TACR1: variants seen among roughly 807,000 people sequenced by gnomAD.
TACR1 encodes tachykinin receptor 1.
TACR1 carries 25 observed loss-of-function variants against 35.8 expected under a neutral mutation model. The observed-to-expected ratio is 0.70, with a 90% CI of 0.51 to 0.98. The LOEUF (loss-of-function observed/expected upper bound fraction) is 0.98. TACR1 is among the 50% of genes least tolerant of loss of function. The pLI is 0.00. For missense variants in TACR1, 478 were observed against 522.9 expected, an observed-to-expected ratio of 0.91 and a Z score of 0.84; for synonymous variants, 195 against 206.7, an observed-to-expected ratio of 0.94 and a Z score of 0.48.
intron 1 of TACR1, among the ~76,000 whole-genome samples, chr2:75,139,638 C>T (rs555370975): frequency 6.6e-6 from 1 of 152,332 alleles, no homozygotes; most frequent in South Asian, 2.1e-4. Context: ...TAGAATATGT[C>T]AGAGCTTTAT....
chr2:75,110,223 TTA>T (rs1288474809), intron 2 of TACR1, among the ~76,000 whole-genome samples: 1 of 152,070 alleles, frequency 6.6e-6, no homozygotes, highest in Non-Finnish European at 1.5e-5. Context: ...TCTTAAGAAT[TTA>T]GAGAGAAAAT....
At chr2:75,107,549 A>G (rs764828383) in intron 2 of TACR1, among the ~76,000 whole-genome samples, 3 of 151,882 alleles carry the variant, frequency 2.0e-5, no homozygotes, top group Non-Finnish European at 4.4e-5. Flanking sequence ...AGGAAAGAAG[A>G]AAGGAAGGAA....
At chr2:75,183,646 C>G (rs1675613995) in intron 1 of TACR1, among the ~76,000 whole-genome samples, 2 of 152,248 alleles carry the variant, frequency 1.3e-5, no homozygotes, top group African/African-American at 4.8e-5. Flanking sequence ...GTAGTCCCTC[C>G]CCTGCTCTGT....
intron 4 of TACR1, 88 bp downstream of exon 4, chr2:75,051,163 G>T: frequency 6.5e-6 from 10 of 1,546,836 alleles, no homozygotes; most frequent in Non-Finnish European, 8.9e-6. Context: ...CTCACAGCTG[G>T]GTTTACTCAT....
intron 1 of TACR1, among the ~76,000 whole-genome samples, chr2:75,140,636 T>C (rs1226038416): frequency 6.6e-6 from 1 of 152,170 alleles, no homozygotes; most frequent in Non-Finnish European, 1.5e-5. Flanking sequence ...TCTCTAATCT[T>C]CTCCATCATC....
chr2:75,152,443 A>AT (rs1674695302), intron 1 of TACR1, among the ~76,000 whole-genome samples: 1 of 151,972 alleles, frequency 6.6e-6, no homozygotes, highest in Admixed American at 6.6e-5. Context: ...CTTCTTCCTC[A>AT]TTTTCTTTTG....
At chr2:75,185,293 T>C (rs1247342521) in intron 1 of TACR1, among the ~76,000 whole-genome samples, 1 of 152,058 alleles carries the variant, frequency 6.6e-6, no homozygotes, top group East Asian at 1.9e-4. Context: ...AAATTATTTA[T>C]GCATATTTGC....
At chr2:75,198,422 G>A in intron 1 of TACR1, 124 bp downstream of exon 1, 3 of 1,155,598 alleles carry the variant, frequency 2.6e-6, no homozygotes, top group Non-Finnish European at 3.6e-6. Context: ...CAGTTGATCA[G>A]TAAAAAAACC....
At chr2:75,146,981 A>T (rs555494640) in intron 1 of TACR1, among the ~76,000 whole-genome samples, 5 of 152,364 alleles carry the variant, frequency 3.3e-5, no homozygotes, top group Admixed American at 6.5e-5. Context: ...ACAGAAACAC[A>T]ATCTGCTGTG....
At chr2:75,153,812 T>C (rs1674730036) in intron 1 of TACR1, among the ~76,000 whole-genome samples, 1 of 152,222 alleles carries the variant, frequency 6.6e-6, no homozygotes, top group African/African-American at 2.4e-5. Flanking sequence ...TGCAAGGATT[T>C]AATTCCTCAC....
chr2:75,088,939 C>A (rs997831604), intron 2 of TACR1, among the ~76,000 whole-genome samples: 3 of 152,138 alleles, frequency 2.0e-5, no homozygotes, highest in Non-Finnish European at 4.4e-5. Context: ...CCACATGCTG[C>A]CCCCACCCTC....
At chr2:75,099,824 T>C (rs1036878764) in intron 2 of TACR1, among the ~76,000 whole-genome samples, 5 of 152,192 alleles carry the variant, frequency 3.3e-5, no homozygotes, top group African/African-American at 1.2e-4. Flanking sequence ...CCCCAGGTGA[T>C]TAATCTGTCC....
chr2:75,187,140 C>A (rs555123793), intron 1 of TACR1: 1 of 152,378 alleles, frequency 6.6e-6, no homozygotes, highest in East Asian at 1.9e-4. Flanking sequence ...TTAACCCCAA[C>A]CCACTGGACT....
chr2:75,198,601 GAAA>G lies in TACR1; in HGVS notation c.331_333del (p.Phe111del). On this transcript the variant is annotated inframe_deletion, in exon 1 of 5. Coordinates refer to ENST00000305249, the MANE Select transcript of TACR1 (RefSeq NM_001058.4). ...ATACTGGCGAAGACAGCGGCGATGG[GAAA>G]GAAGTTGTGGAACTTGCAGTAGAAC... The G allele has an allele frequency of 6.2e-7, 1 of 1,614,196 alleles. No individual in the cohort carries two copies. Among genetic ancestry groups the G allele is most frequent in the Non-Finnish European group, 8.5e-7 (1 of 1,180,036 alleles).
chr2:75,083,657 G>T (rs1673135737), intron 2 of TACR1, among the ~76,000 whole-genome samples: 1 of 152,146 alleles, frequency 6.6e-6, no homozygotes, highest in African/African-American at 2.4e-5. Flanking sequence ...TTGTAAGTTG[G>T]ATTCCTAGGT....
At chr2:75,095,255 C>T (rs1029973132) in intron 2 of TACR1, among the ~76,000 whole-genome samples, 1 of 152,134 alleles carries the variant, frequency 6.6e-6, no homozygotes, top group African/African-American at 2.4e-5. Context: ...CCTGAGGGTG[C>T]ACACTTGGGT....
At chr2:75,198,485 C>T in intron 1 of TACR1, 61 bp downstream of exon 1, 4 of 1,574,136 alleles carry the variant, frequency 2.5e-6, no homozygotes, top group Non-Finnish European at 3.5e-6. Context: ...TTCCAAACCT[C>T]ACAGCAATGC....
At chr2:75,169,881 GTC>G (rs1675234185) in intron 1 of TACR1, among the ~76,000 whole-genome samples, 1 of 151,372 alleles carries the variant, frequency 6.6e-6, no homozygotes, top group African/African-American at 2.4e-5. Flanking sequence ...TTCCCCTTTC[GTC>G]TCTGTTCTAG....
At chr2:75,165,391 G>C (rs1282594100) in intron 1 of TACR1, among the ~76,000 whole-genome samples, 3 of 151,772 alleles carry the variant, frequency 2.0e-5, no homozygotes, top group Admixed American at 2.0e-4. Flanking sequence ...CTCACTGCAA[G>C]CTCGCCTCCA....
Sources: gnomAD v4.1 joint callset for allele counts (sites outside exome capture counted in the v4.1 genomes callset) on GRCh38, gnomAD v4.1.1 for gene constraint, MANE v1.5 for transcripts, NCBI Gene and HGNC (gene_info 2026-07-23, HGNC 2026-07-21) for gene names.